Variants in ZNF227 observed in about 807,000 individuals in gnomAD.
The protein encoded by ZNF227 is zinc finger protein 227.
A neutral mutation model predicts 13.2 loss-of-function variants in ZNF227; 12 were observed. That is an observed-to-expected ratio of 0.91 (90% CI 0.58 to 1.47). The LOEUF (loss-of-function observed/expected upper bound fraction) is 1.47, where lower values mean the gene tolerates loss of function less well. Ranked by LOEUF, ZNF227 falls within the 40% of genes most tolerant of loss-of-function variation. ZNF227 has a pLI of 0.00. For missense variants in ZNF227, 885 were observed against 967.5 expected (o/e 0.91, Z 1.13); for synonymous variants, 338 against 326.0 (o/e 1.04, Z -0.40).
chr19:44,213,834 CACTT>C (rs1272948733), intron 2 of ZNF227: 3 of 152,294 alleles, frequency 2.0e-5, no homozygotes, highest in East Asian at 1.9e-4. Flanking sequence ...TGCAACATCT[CACTT>C]ACTTAATTTC....
intron 3 of ZNF227, among the ~76,000 whole-genome samples, chr19:44,220,837 T>A (rs918959663): frequency 2.8e-5 from 4 of 142,662 alleles, no homozygotes; most frequent in African/African-American, 7.9e-5. Context: ...GTCCCCAGAG[T>A]GTGATGTTCC....
rs774235084 is a variant in ZNF227, at chr19:44,235,248, C to A, written c.818C>A (p.Thr273Lys). 6.2e-7 allele frequency: 1 copy of A among 1,614,064 alleles called. No homozygotes were observed. The highest frequency in any genetic ancestry group is 8.5e-7 in the Non-Finnish European group (1 of 1,179,994). The change falls in exon 6 of 6, where the codon ACA (threonine) becomes AAA (lysine). Residue 273 changes from threonine to lysine, a missense_variant. Thr to Lys is a moderately conservative substitution (Grantham distance 78, BLOSUM62 -1). Transcript: ENST00000313040. ...CTTCCCCTTCATCCGAATGTTCATA[C>A]AGGAGAAAAATGCTTCAGTCAAAGC... ...PRLPLHPNVH[T>K]GEKCFSQSSH...
rs951815290 is a variant in ZNF227, at chr19:44,213,201, AGGAG to A, written c.-44_-41del. The A allele has an allele frequency of 6.6e-6, 1 of 152,146 alleles. No homozygotes were observed. Among genetic ancestry groups the A allele is most frequent in the African/African-American group, 2.4e-5 (1 of 41,408 alleles). The allele number at this position is 152,146 out of a possible 1,614,324, so 9.4% of individuals were successfully genotyped here. ...ATTCACCGCCTCCGAATTTGCAAAG[AGGAG>A]GAAGGAGGGACTTCTTGGCTTCTCC... On this transcript the variant is annotated 5_prime_UTR_variant, in exon 2 of 6. Transcript: ENST00000313040.
upstream of ZNF227, among the ~76,000 whole-genome samples, chr19:44,209,865 C>T (rs1257668177): frequency 1.3e-5 from 2 of 152,138 alleles, no homozygotes; most frequent in Non-Finnish European, 2.9e-5. Context: ...GGATTACAGG[C>T]GTGAGCCACA....
intron 2 of ZNF227, chr19:44,217,546 C>T (rs9304640): frequency 0.59 from 400,760 of 674,178 alleles, 120,432 homozygotes; most frequent in African/African-American, 0.7. Context: ...CATTGCCTCT[C>T]GTTTCCTGCT....
chr19:44,210,932 G>T (rs1019791501), upstream of ZNF227, among the ~76,000 whole-genome samples: 3 of 152,152 alleles, frequency 2.0e-5, no homozygotes, highest in African/African-American at 7.2e-5. Flanking sequence ...GGTGGCTCAT[G>T]CCTGTAATCC....
At position 44,234,900 on chromosome 19, in the gene ZNF227, A is replaced by G. The variant is rs764027076; in HGVS notation, c.470A>G (p.Lys157Arg). 5.6e-6 allele frequency: 9 copies of G among 1,613,114 alleles called. No individual in the cohort carries two copies. Among genetic ancestry groups the G allele is most frequent in the Non-Finnish European group, 7.6e-6 (9 of 1,179,768 alleles). Residue 157 changes from lysine to arginine, a missense_variant, in exon 6 of 6, where the codon AAA (lysine) becomes AGA (arginine). Physicochemically the swap from Lys to Arg is conservative, Grantham distance 26 (BLOSUM62 2). Coordinates refer to ENST00000313040, the MANE Select transcript of ZNF227 (RefSeq NM_182490.3). ...SENENNIMNPKGDSSIYIENQ... is the reference protein window; with the variant it reads ...SENENNIMNPRGDSSIYIENQ... ...AATGAGAACAATATAATGAACCCTA[A>G]AGGAGATAGCTCTATTTATATTGAA...
rs1050221198 is a variant in ZNF227, at chr19:44,234,814, C to G, written c.384C>G (p.Thr128=). The G allele has an allele frequency of 7.4e-6, 12 of 1,613,946 alleles. No homozygotes were observed. In the African/African-American group the frequency reaches 1.5e-4, roughly 20 times the overall value. The change falls in exon 6 of 6, where the codon ACC becomes ACG. Residue 128 remains threonine, a synonymous_variant. Transcript: ENST00000313040. Reference sequence around the variant, plus strand: ...GGAAACAGGTTGCAAGTGAATTAACCAGGTGTCTTCAGGGGAAGAGTTCCC... The same window carrying G: ...GGAAACAGGTTGCAAGTGAATTAACGAGGTGTCTTCAGGGGAAGAGTTCCC... ...QIWKQVASEL[T]RCLQGKSSQL... is the part of the protein sequence containing the mutation.
chr19:44,217,390 A>T, intron 2 of ZNF227: 1 of 466,168 alleles, frequency 2.1e-6, no homozygotes, highest in South Asian at 1.5e-5. Flanking sequence ...GGTACGATTT[A>T]TGATTCTTAC....
chr19:44,219,569 T>C (rs960727250), intron 3 of ZNF227, among the ~76,000 whole-genome samples: 1 of 152,082 alleles, frequency 6.6e-6, no homozygotes, highest in Non-Finnish European at 1.5e-5. Flanking sequence ...AAAATAGCTT[T>C]CTATTTATAT....
In ZNF227 at chr19:44,217,530, T is replaced by G; in HGVS notation, c.-2-261T>G. ...TACTTGACTTGAGAGCCCTCATATG[T>G]TGTTACATTGCCTCTCGTTTCCTGC... On this transcript the variant is annotated intron_variant, in intron 2 of 5. Coordinates refer to ENST00000313040, the MANE Select transcript of ZNF227 (RefSeq NM_182490.3). 3 of 657,308 alleles carry G rather than the reference T, an allele frequency of 4.6e-6. 1 individual carries two copies. The highest frequency in any genetic ancestry group is 4.5e-5 in the South Asian group (3 of 66,680). 40.7% of individuals were successfully genotyped at this position (657,308 alleles called of 1,614,324 possible).
At chr19:44,210,235 TCAAAG>T (rs1294310712), upstream of ZNF227, among the ~76,000 whole-genome samples, 1 of 152,218 alleles carries the variant, frequency 6.6e-6, no homozygotes, top group African/African-American at 2.4e-5. Flanking sequence ...ATTTTAGTGA[TCAAAG>T]CAAATTTTTG....
At chr19:44,230,144 T>C (rs980811038) in intron 5 of ZNF227, among the ~76,000 whole-genome samples, 3 of 152,072 alleles carry the variant, frequency 2.0e-5, no homozygotes, top group African/African-American at 7.2e-5. Flanking sequence ...GCCTCCTAAG[T>C]AGCTAGGACT....
chr19:44,234,649 GA>G, intron 5 of ZNF227, 52 bp from the exon 6 acceptor site: 1 of 1,470,288 alleles, frequency 6.8e-7, no homozygotes, highest in South Asian at 1.4e-5. Flanking sequence ...TATTTCTGAA[GA>G]AAGCATTTAC....
In ZNF227 at chr19:44,235,097, C is replaced by T. The variant is rs748519930; in HGVS notation, c.667C>T (p.Pro223Ser). The T allele has an allele frequency of 1.9e-6, 3 of 1,613,990 alleles. No homozygotes were observed. The Admixed American group carries it at 5.0e-5, about 27-fold the overall frequency. ...TGAGCATATTAAAACTGACACAGAA[C>T]CAAAACCCTGCAAAGGTAATGAATA... Reference protein sequence around the residue: ...FHEHIKTDTEPKPCKGNEYGK... With the variant: ...FHEHIKTDTESKPCKGNEYGK... The change falls in exon 6 of 6, where the codon CCA (proline) becomes TCA (serine). Residue 223 changes from proline (P) to serine (S), a missense_variant. By Grantham distance (74) the Pro-to-Ser change is moderately conservative. Transcript: ENST00000313040.
intron 2 of ZNF227, among the ~76,000 whole-genome samples, chr19:44,214,440 G>C (rs1971632516): frequency 6.6e-6 from 1 of 151,128 alleles, no homozygotes; most frequent in Non-Finnish European, 1.5e-5. Flanking sequence ...GTGCAGTGGC[G>C]TGATCTCAGC....
chr19:44,229,673 A>T (rs1973579802), intron 4 of ZNF227, 60 bp from the exon 5 acceptor site: 1 of 1,223,536 alleles, frequency 8.2e-7, no homozygotes, highest in Admixed American at 2.2e-5. Context: ...TAGGGTTCAG[A>T]CAAAAATGTG....
chr19:44,225,653 T>C (rs1973050647), intron 3 of ZNF227, among the ~76,000 whole-genome samples: 1 of 152,190 alleles, frequency 6.6e-6, no homozygotes, highest in South Asian at 2.1e-4. Flanking sequence ...TTGGTTATTC[T>C]AGTTATACAT....
rs1412099529 is a variant in ZNF227 at position 44,217,870 on chromosome 19, T to G, written c.60+18T>G. On this transcript the variant is annotated intron_variant, in intron 3 of 5. Transcript: ENST00000313040. ...AGTTTCAGGTACGTAAAGGATTCCTTGCTGTCTTTTAAAATGTGATTTATT... is the reference window on the plus strand; with the variant it reads ...AGTTTCAGGTACGTAAAGGATTCCTGGCTGTCTTTTAAAATGTGATTTATT... 1.2e-6 allele frequency: 2 copies of G among 1,612,876 alleles called. No individual in the cohort carries two copies. Among genetic ancestry groups the G allele is most frequent in the South Asian group, 2.2e-5 (2 of 91,010 alleles).
Sources: allele counts gnomAD v4.1 joint callset (sites outside exome capture counted in the v4.1 genomes callset), GRCh38; gene constraint gnomAD v4.1.1; transcripts MANE v1.5; gene names NCBI Gene and HGNC (gene_info 2026-07-23, HGNC 2026-07-21).